Variants in FRMD6 observed in about 807,000 individuals in gnomAD.
The protein encoded by FRMD6 is FERM domain-containing protein 6.
A neutral mutation model predicts 73.2 loss-of-function variants in FRMD6; 37 were observed. The observed-to-expected ratio is 0.51, with a 90% CI of 0.39 to 0.66. The LOEUF (loss-of-function observed/expected upper bound fraction) is 0.66. Ranked by LOEUF, FRMD6 falls within the 30% of genes least tolerant of loss-of-function variation. The pLI is 0.00. For missense variants in FRMD6, 714 were observed against 780.5 expected (o/e 0.91, Z 1.02); for synonymous variants, 273 against 282.2 (o/e 0.97, Z 0.33).
the FRMD6 span, among the ~76,000 whole-genome samples, chr14:51,450,461 T>A: frequency 2.0e-5 from 3 of 152,092 alleles, no homozygotes; most frequent in Non-Finnish European, 4.4e-5. Context: ...GAAAAACAAA[T>A]GCCTAGAAGC....
chr14:51,567,421 A>C (rs908024877), intron 1 of FRMD6, among the ~76,000 whole-genome samples: 8 of 152,138 alleles, frequency 5.3e-5, no homozygotes, highest in Non-Finnish European at 1.0e-4. Flanking sequence ...ATCATAGCTC[A>C]CTGCAACCTC....
At chr14:51,534,224 G>C (rs181327454) in intron 1 of FRMD6, among the ~76,000 whole-genome samples, 1 of 152,178 alleles carries the variant, frequency 6.6e-6, no homozygotes, top group African/African-American at 2.4e-5. Flanking sequence ...ATGTTTTCTC[G>C]AACCACATGC....
At chr14:51,594,123 T>G (rs1370473252) in intron 2 of FRMD6, among the ~76,000 whole-genome samples, 1 of 151,894 alleles carries the variant, frequency 6.6e-6, no homozygotes, top group Non-Finnish European at 1.5e-5. Context: ...AATGAGTACA[T>G]GTTTTGTTTG....
chr14:51,490,616 T>TTGTGTGTGTGTGTGTGTGTGTGTGTGTG (rs58046471), intron 1 of FRMD6, among the ~76,000 whole-genome samples: 2 of 148,024 alleles, frequency 1.4e-5, no homozygotes, highest in African/African-American at 5.0e-5. Context: ...TGTGTGTATT[T>TTGTGTGTGTGTGTGTGTGTGTGTGTGTG]TGTGTGTGTG....
At chr14:51,437,406 G>A in the FRMD6 span, among the ~76,000 whole-genome samples, 4 of 152,154 alleles carry the variant, frequency 2.6e-5, no homozygotes, top group African/African-American at 9.7e-5. Flanking sequence ...GGGTTCAAGC[G>A]ATTCTCCTGC....
intron 2 of FRMD6, among the ~76,000 whole-genome samples, chr14:51,585,591 T>C (rs1303402483): frequency 6.6e-6 from 1 of 152,128 alleles, no homozygotes; most frequent in African/African-American, 2.4e-5. Flanking sequence ...TTAGATCGAA[T>C]AACAACTGAG....
At chr14:51,404,303 G>A in the FRMD6 span, among the ~76,000 whole-genome samples, 1 of 151,918 alleles carries the variant, frequency 6.6e-6, no homozygotes, top group Non-Finnish European at 1.5e-5. Context: ...TATGTCAGTT[G>A]TATTTGTTGC....
At chr14:51,583,523 A>G (rs900390567) in intron 2 of FRMD6, among the ~76,000 whole-genome samples, 1 of 152,210 alleles carries the variant, frequency 6.6e-6, no homozygotes, top group Non-Finnish European at 1.5e-5. Flanking sequence ...CTTACTATGT[A>G]CCTGGAGCTC....
chr14:51,638,138 G>A (rs2140014134), intron 2 of FRMD6, among the ~76,000 whole-genome samples: 1 of 152,306 alleles, frequency 6.6e-6, no homozygotes, highest in Middle Eastern at 3.4e-3. Flanking sequence ...TACAAAATTA[G>A]TTGAGTGTGG....
At chr14:51,695,291 CTTCT>C (rs1297001458) in intron 2 of FRMD6, among the ~76,000 whole-genome samples, 1 of 152,168 alleles carries the variant, frequency 6.6e-6, no homozygotes, top group African/African-American at 2.4e-5. Flanking sequence ...GTGTTCTCCT[CTTCT>C]TTATCATTGT....
At chr14:51,495,239 T>C (rs1419472554) in intron 1 of FRMD6, among the ~76,000 whole-genome samples, 1 of 152,246 alleles carries the variant, frequency 6.6e-6, no homozygotes, top group Non-Finnish European at 1.5e-5. Context: ...TGTTTCCCTC[T>C]GAGATCTCAT....
intron 2 of FRMD6, among the ~76,000 whole-genome samples, chr14:51,601,477 A>G (rs1890034028): frequency 6.6e-6 from 1 of 152,166 alleles, no homozygotes; most frequent in Non-Finnish European, 1.5e-5. Flanking sequence ...TTGCCTGTCC[A>G]AGGGTTACCT....
At chr14:51,714,193 C>T (rs1897112324) in intron 9 of FRMD6, 1 of 152,188 alleles carries the variant, frequency 6.6e-6, no homozygotes, top group Non-Finnish European at 1.5e-5. Flanking sequence ...AACTCCCTCC[C>T]TAGACTTGCT....
At position 51,728,011 on chromosome 14, in the gene FRMD6, T is replaced by G. The variant is rs763543336; in HGVS notation, c.1851T>G (p.Val617=). The change falls in exon 14 of 14, where the codon GTT becomes GTG. Residue 617 remains valine (V), a synonymous_variant. Transcript: ENST00000344768. ...CTCTGGATCTCACTCATGATGAAGT[T>G]CCAGAGTTTGTTGTGTAAAGTCCGT... ...YFSLDLTHDE[V]PEFVV The G allele has an allele frequency of 1.9e-6, 3 of 1,609,610 alleles. No individual in the cohort carries two copies.
chr14:51,560,938 T>C (rs1335324205), intron 1 of FRMD6, among the ~76,000 whole-genome samples: 3 of 152,216 alleles, frequency 2.0e-5, no homozygotes, highest in Non-Finnish European at 4.4e-5. Flanking sequence ...TAATCTGATG[T>C]TTGCATTTTA....
At chr14:51,598,727 T>TTCATTA (rs1452485286) in intron 2 of FRMD6, among the ~76,000 whole-genome samples, 3 of 152,200 alleles carry the variant, frequency 2.0e-5, no homozygotes, top group Non-Finnish European at 4.4e-5. Flanking sequence ...ATAACATTAT[T>TTCATTA]TCATTATTCT....
At chr14:51,656,903 G>T (rs903402911) in intron 1 of FRMD6, among the ~76,000 whole-genome samples, 16 of 152,052 alleles carry the variant, frequency 1.1e-4, no homozygotes, top group African/African-American at 3.9e-4. Flanking sequence ...ATCCTCTTGG[G>T]GGTGTTTTCA....
chr14:51,694,415 T>A (rs4901144), intron 2 of FRMD6, among the ~76,000 whole-genome samples: 42,361 of 152,024 alleles, frequency 0.28, 6,157 homozygotes, highest in East Asian at 0.35. Context: ...AGAGGCTGGG[T>A]GAGGTGGCTA....
chr14:51,647,110 A>C (rs963384050), upstream of FRMD6, among the ~76,000 whole-genome samples: 3 of 152,250 alleles, frequency 2.0e-5, no homozygotes, highest in African/African-American at 7.2e-5. Flanking sequence ...TGTAAACCAT[A>C]TTAAAATGAA....
Sources: allele counts gnomAD v4.1 joint callset (sites outside exome capture counted in the v4.1 genomes callset), GRCh38; gene constraint gnomAD v4.1.1; transcripts MANE v1.5; gene names NCBI Gene and HGNC (gene_info 2026-07-23, HGNC 2026-07-21).